Variants in RING1 observed in about 807,000 individuals in gnomAD.
RING1 encodes ring finger protein 1.
A neutral mutation model predicts 35.0 loss-of-function variants in RING1; 8 were observed. The observed-to-expected ratio is 0.23, with a 90% CI of 0.13 to 0.41. The LOEUF (loss-of-function observed/expected upper bound fraction) is 0.41. RING1 is among the 10% of genes least tolerant of loss of function. The pLI, the probability that RING1 is intolerant of heterozygous loss-of-function variation, is 1.00. For missense variants in RING1, 343 were observed against 546.8 expected (o/e 0.63, Z 3.72); for synonymous variants, 214 against 224.3 (o/e 0.95, Z 0.41).
chr6:33,209,207 A>T lies in RING1; in HGVS notation c.78+307A>T, dbSNP rs1381310790. 1.6e-6 allele frequency: 1 copy of T among 619,208 alleles called. No homozygotes were observed. Among genetic ancestry groups the T allele is most frequent in the East Asian group, 3.0e-5 (1 of 33,778 alleles). The allele number at this position is 619,208 out of a possible 1,614,324, so 38.4% of individuals were successfully genotyped here. On this transcript the variant is annotated intron_variant, in intron 2 of 6. Coordinates refer to ENST00000374656, the MANE Select transcript of RING1 (RefSeq NM_002931.4). This position sits in a 1 kb window ranked among gnomAD's most constrained non-coding sequence, Gnocchi z 5.1. ...ATAAGACTCACTTTGGGAGTTTATT[A>T]AAAGCAGAGCTTCATGCCCCCCAAC... is the stretch of plus-strand genomic sequence containing the variant.
Position 33,211,149 on chromosome 6 carries a change from C to A in RING1, c.456-9C>A, listed in dbSNP as rs773419777. ...GATGCCTTCTAACCTTAACCACTTG[C>A]TTCTACAGGGCCCAGCGTGTGAGGC... On this transcript the variant is annotated splice_polypyrimidine_tract_variant and intron_variant, in intron 4 of 6. Transcript: ENST00000374656. This position sits in a 1 kb window ranked among gnomAD's most constrained non-coding sequence, Gnocchi z 6.3. 2.7e-5 allele frequency: 43 copies of A among 1,581,604 alleles called. No individual in the cohort carries two copies. The highest frequency in any genetic ancestry group is 3.5e-5 in the Non-Finnish European group (40 of 1,159,386).
chr6:33,210,301 T>C (rs1212091067), intron 4 of RING1, among the ~76,000 whole-genome samples, 171 bp downstream of exon 4: 1 of 152,154 alleles, frequency 6.6e-6, no homozygotes, highest in Non-Finnish European at 1.5e-5. Flanking sequence ...GGCCCTGCTC[T>C]TCTTAAGAAA....
chr6:33,208,641 C>A lies in RING1; in HGVS notation c.-62C>A. 1.8e-6 allele frequency: 1 copy of A among 559,138 alleles called. No homozygotes were observed. The highest frequency in any genetic ancestry group is 3.1e-6 in the Non-Finnish European group (1 of 324,556). 34.6% of individuals were successfully genotyped at this position (559,138 alleles called of 1,614,324 possible). A position where few individuals can be genotyped will look rare whatever the true frequency, so the allele number is the denominator to read the frequency against. Reference sequence around the variant, plus strand: ...GCGGCGGGAGCGCGAACGGCTGGAGCTGGGTGAGGGGCAGTGCCGGCGCGG... The same window carrying A: ...GCGGCGGGAGCGCGAACGGCTGGAGATGGGTGAGGGGCAGTGCCGGCGCGG... On this transcript the variant is annotated 5_prime_UTR_variant, in exon 1 of 7. In the 5' UTR this introduces an upstream ATG that the reference lacks. Coordinates refer to ENST00000374656, the MANE Select transcript of RING1 (RefSeq NM_002931.4). The surrounding 1 kb of genome is among the most constrained non-coding windows in gnomAD (Gnocchi z 6.2).
In RING1 at chr6:33,208,997, C is replaced by A; in HGVS notation, c.78+97C>A. The A allele has an allele frequency of 3.0e-6, 3 of 1,008,096 alleles. No homozygotes were observed. Among genetic ancestry groups the A allele is most frequent in the African/African-American group, 1.6e-5 (1 of 62,876 alleles). The allele number at this position is 1,008,096 out of a possible 1,614,324, so 62.4% of individuals were successfully genotyped here. ...CTTCTTTTCCGTAATTTGCTCTATTCTGCCTTGCCTGGCCCTACCTTTGAA... is the reference window on the plus strand; with the variant it reads ...CTTCTTTTCCGTAATTTGCTCTATTATGCCTTGCCTGGCCCTACCTTTGAA... On this transcript the variant is annotated intron_variant, in intron 2 of 6. Transcript: ENST00000374656. This position sits in a 1 kb window ranked among gnomAD's most constrained non-coding sequence, Gnocchi z 6.2.
intron 4 of RING1, among the ~76,000 whole-genome samples, chr6:33,210,399 G>A (rs1775437695): frequency 6.6e-6 from 1 of 152,116 alleles, no homozygotes; most frequent in South Asian, 2.1e-4. Context: ...CCAGGAGTTT[G>A]AGACCACCTT....
intron 6 of RING1, 40 bp from the exon 7 acceptor site, chr6:33,212,258 C>T (rs769261393): frequency 2.9e-6 from 4 of 1,371,364 alleles, no homozygotes; most frequent in South Asian, 1.2e-5. Context: ...TCCAACTTTC[C>T]TCTCTCTTTT....
At position 33,208,990 on chromosome 6, in the gene RING1, C is replaced by A; in HGVS notation, c.78+90C>A. 1 of 1,097,358 alleles carries A rather than the reference C, an allele frequency of 9.1e-7. No homozygotes were observed. Among genetic ancestry groups the A allele is most frequent in the Non-Finnish European group, 1.4e-6 (1 of 731,628 alleles). 68.0% of individuals were successfully genotyped at this position (1,097,358 alleles called of 1,614,324 possible). A position where few individuals can be genotyped will look rare whatever the true frequency, so the allele number is the denominator to read the frequency against. The stretch of plus-strand genomic sequence containing the variant: ...CACACAGCTTCTTTTCCGTAATTTG[C>A]TCTATTCTGCCTTGCCTGGCCCTAC... On this transcript the variant is annotated intron_variant, in intron 2 of 6. Coordinates refer to ENST00000374656, the MANE Select transcript of RING1 (RefSeq NM_002931.4). This position sits in a 1 kb window ranked among gnomAD's most constrained non-coding sequence, Gnocchi z 6.2.
At chr6:33,210,427 C>A (rs959092279) in intron 4 of RING1, among the ~76,000 whole-genome samples, 1 of 152,038 alleles carries the variant, frequency 6.6e-6, no homozygotes, top group South Asian at 2.1e-4. Context: ...ATAGGGAAAT[C>A]TCATCTCTAC....
rs779160866 is a variant in RING1, at chr6:33,209,838, C to A, written c.239+52C>A. The A allele has an allele frequency of 6.2e-7, 1 of 1,611,316 alleles. No individual in the cohort carries two copies. Among genetic ancestry groups the A allele is most frequent in the Non-Finnish European group, 8.5e-7 (1 of 1,177,744 alleles). On this transcript the variant is annotated intron_variant, in intron 3 of 6. Transcript: ENST00000374656. This position sits in a 1 kb window ranked among gnomAD's most constrained non-coding sequence, Gnocchi z 5.1. ...AGATGAAGGGGTACAAAGTTAGGGCCCTCTCACTGGTCTTGGTTCAGCCTA... is the reference window on the plus strand; with the variant it reads ...AGATGAAGGGGTACAAAGTTAGGGCACTCTCACTGGTCTTGGTTCAGCCTA...
chr6:33,211,519 G>A lies in RING1; in HGVS notation c.817G>A (p.Val273Met), dbSNP rs1382430923. 2 of 1,612,042 alleles carry A rather than the reference G, an allele frequency of 1.2e-6. No individual in the cohort carries two copies. Among genetic ancestry groups the A allele is most frequent in the African/African-American group, 1.3e-5 (1 of 74,906 alleles). Residue 273 changes from valine (V) to methionine (M), a missense_variant, in exon 5 of 7, where the codon GTG (valine) becomes ATG (methionine). Physicochemically the swap from Val to Met is conservative, Grantham distance 21. Transcript: ENST00000374656. This position sits in a 1 kb window ranked among gnomAD's most constrained non-coding sequence, Gnocchi z 6.3. ...CGTGTTCCGGCCCCACCCCCTGCTCGTGGAGAAGGGAGAATACTGCCAGAC... is the reference window on the plus strand; with the variant it reads ...CGTGTTCCGGCCCCACCCCCTGCTCATGGAGAAGGGAGAATACTGCCAGAC... ...ELVFRPHPLL[V>M]EKGEYCQTRY...
At position 33,212,279 on chromosome 6, in the gene RING1, C is replaced by A. The variant is rs751311317; in HGVS notation, c.1120-19C>A. The A allele has an allele frequency of 6.6e-7, 1 of 1,515,440 alleles. No homozygotes were observed. Among genetic ancestry groups the A allele is most frequent in the South Asian group, 1.2e-5 (1 of 83,764 alleles). 93.9% of individuals were successfully genotyped at this position (1,515,440 alleles called of 1,614,324 possible). On this transcript the variant is annotated intron_variant, in intron 6 of 6. Transcript: ENST00000374656. ...TTTCCTCTCTCTTTTCCCCTCTCTC[C>A]CTTTTACCCCCTCCTCAGACGTTGA...
chr6:33,210,112 G>A lies in RING1; in HGVS notation c.437G>A (p.Arg146His). 6.2e-7 allele frequency: 1 copy of A among 1,614,068 alleles called. No homozygotes were observed. The highest frequency in any genetic ancestry group is 8.5e-7 in the Non-Finnish European group (1 of 1,180,006). Residue 146 changes from arginine (R) to histidine (H), a missense_variant, in exon 4 of 7, where the codon CGC becomes CAC. Arg to His is a conservative substitution (Grantham distance 29, BLOSUM62 0). This residue lies in a region of RING1 where 278 missense variants were observed against 383.5 expected (regional missense o/e 0.72). Coordinates refer to ENST00000374656, the MANE Select transcript of RING1 (RefSeq NM_002931.4). Reference protein sequence around the residue: ...ALSSSIEEGLRMQAMHRAQRV... With the variant: ...ALSSSIEEGLHMQAMHRAQRV... The stretch of plus-strand genomic sequence containing the variant: ...AGCTCCAGCATTGAGGAGGGGCTAC[G>A]CATGCAGGCCATGCACAGGTGTGAG...
At position 33,212,435 on chromosome 6, in the gene RING1, G is replaced by A. The variant is rs746404253; in HGVS notation, c.*36G>A. On this transcript the variant is annotated 3_prime_UTR_variant, in exon 7 of 7. Transcript: ENST00000374656. ...GGACAGCCAGAGGAAGGGGACCATG[G>A]GGTATCCCTGTGTCCTGGTCTATCA... is the stretch of plus-strand genomic sequence containing the variant. 3.7e-5 allele frequency: 51 copies of A among 1,375,686 alleles called. No homozygotes were observed. The highest frequency in any genetic ancestry group is 3.0e-6 in the Non-Finnish European group (3 of 985,878). 85.2% of individuals were successfully genotyped at this position (1,375,686 alleles called of 1,614,324 possible).
rs917769532 is a variant in RING1 at position 33,209,526 on chromosome 6, T to A, written c.79-100T>A. 2 of 1,195,138 alleles carry A rather than the reference T, an allele frequency of 1.7e-6. No homozygotes were observed. Among genetic ancestry groups the A allele is most frequent in the Admixed American group, 4.1e-5 (2 of 49,378 alleles). The allele number at this position is 1,195,138 out of a possible 1,614,324, so 74.0% of individuals were successfully genotyped here. On this transcript the variant is annotated intron_variant, in intron 2 of 6. Transcript: ENST00000374656. This position sits in a 1 kb window ranked among gnomAD's most constrained non-coding sequence, Gnocchi z 5.1. Reference sequence around the variant, plus strand: ...TCTCCTATAGAGACCAACATGGGTCTTCTCACTGTATTTCTCAAAATTCTT... The same window carrying A: ...TCTCCTATAGAGACCAACATGGGTCATCTCACTGTATTTCTCAAAATTCTT...
Position 33,210,027 on chromosome 6 carries a change from G to A in RING1, c.352G>A (p.Glu118Lys). The A allele has an allele frequency of 6.2e-7, 1 of 1,614,190 alleles. No individual in the cohort carries two copies. Among genetic ancestry groups the A allele is most frequent in the Non-Finnish European group, 8.5e-7 (1 of 1,180,040 alleles). The change falls in exon 4 of 7, where the codon GAG becomes AAG. Residue 118 changes from glutamate to lysine, a missense_variant. Coordinates refer to ENST00000374656, the MANE Select transcript of RING1 (RefSeq NM_002931.4). ...SKIYPSREEY[E>K]AHQDRVLIRL... ...GATCTATCCTAGCCGGGAGGAATACGAGGCCCATCAAGACCGAGTGCTTAT... is the reference window on the plus strand; with the variant it reads ...GATCTATCCTAGCCGGGAGGAATACAAGGCCCATCAAGACCGAGTGCTTAT...
At position 33,211,587 on chromosome 6, in the gene RING1, A is replaced by C. The variant is rs779572032; in HGVS notation, c.845+40A>C. On this transcript the variant is annotated intron_variant, in intron 5 of 6. Transcript: ENST00000374656. This position sits in a 1 kb window ranked among gnomAD's most constrained non-coding sequence, Gnocchi z 6.3. Reference sequence around the variant, plus strand: ...CTTTCCCCAGCCACTGAGAAACCAAAGATCACCTAGATTTCCATCAGAAGT... The same window carrying C: ...CTTTCCCCAGCCACTGAGAAACCAACGATCACCTAGATTTCCATCAGAAGT... 5 of 1,594,258 alleles carry C rather than the reference A, an allele frequency of 3.1e-6. No individual in the cohort carries two copies. In the East Asian group the frequency reaches 1.1e-4, roughly 36 times the overall value.
In RING1 at chr6:33,212,168, T is replaced by G. The variant is rs552624034; in HGVS notation, c.1120-130T>G. On this transcript the variant is annotated intron_variant, in intron 6 of 6. Transcript: ENST00000374656. The stretch of plus-strand genomic sequence containing the variant: ...CCCATCATCCATGTCCTTTTTTGCC[T>G]TATCGCTTTTATTATTCCTTTTTTC... 2.5e-5 allele frequency: 22 copies of G among 876,798 alleles called. No homozygotes were observed. The East Asian group carries it at 2.7e-4, about 11-fold the overall frequency. 54.3% of individuals were successfully genotyped at this position (876,798 alleles called of 1,614,324 possible). A position where few individuals can be genotyped will look rare whatever the true frequency, so the allele number is the denominator to read the frequency against.
In RING1 at chr6:33,212,351, G is replaced by A; in HGVS notation, c.1173G>A (p.Val391=). 1 of 1,596,954 alleles carries A rather than the reference G, an allele frequency of 6.3e-7. No individual in the cohort carries two copies. Among genetic ancestry groups the A allele is most frequent in the Admixed American group, 1.7e-5 (1 of 58,194 alleles). The change falls in exon 7 of 7, where the codon GTG becomes GTA. Residue 391 remains valine (V), a synonymous_variant. Transcript: ENST00000374656. ...LELVNEKFWK[V]SRPLELCYAP... is the part of the protein sequence containing the mutation. ...TGGTGAATGAGAAATTCTGGAAGGT[G>A]TCCCGGCCACTGGAGCTGTGCTATG...
At position 33,209,227 on chromosome 6, in the gene RING1, C is replaced by T. The variant is rs1402615084; in HGVS notation, c.78+327C>T. The T allele has an allele frequency of 3.4e-6, 2 of 592,112 alleles. No individual in the cohort carries two copies. Among genetic ancestry groups the T allele is most frequent in the Admixed American group, 5.1e-5 (2 of 39,334 alleles). The allele number at this position is 592,112 out of a possible 1,614,324, so 36.7% of individuals were successfully genotyped here. On this transcript the variant is annotated intron_variant, in intron 2 of 6. Coordinates refer to ENST00000374656, the MANE Select transcript of RING1 (RefSeq NM_002931.4). This position sits in a 1 kb window ranked among gnomAD's most constrained non-coding sequence, Gnocchi z 5.1. ...TTATTAAAAGCAGAGCTTCATGCCCCCCAACATTCTGATTCAGTAGTGAAT... is the reference window on the plus strand; with the variant it reads ...TTATTAAAAGCAGAGCTTCATGCCCTCCAACATTCTGATTCAGTAGTGAAT...
Sources: allele counts gnomAD v4.1 joint callset (sites outside exome capture counted in the v4.1 genomes callset), GRCh38; gene constraint gnomAD v4.1.1; regional missense constraint gnomAD v4.1.1; non-coding constraint Gnocchi (gnomAD v3.1); transcripts MANE v1.5; gene names NCBI Gene and HGNC (gene_info 2026-07-23, HGNC 2026-07-21).